MTREX: variants seen among roughly 807,000 people sequenced by gnomAD.
MTREX encodes the protein exosome RNA helicase MTR4.
A neutral mutation model predicts 135.4 loss-of-function variants in MTREX; 76 were observed. The observed-to-expected ratio is 0.56, with a 90% CI of 0.47 to 0.68. The LOEUF (loss-of-function observed/expected upper bound fraction) is 0.68. Ranked by LOEUF, MTREX falls within the 30% of genes least tolerant of loss-of-function variation. The pLI is 0.00. For synonymous variants in MTREX, 404 were observed against 401.6 expected (o/e 1.01, Z -0.07); for missense variants, 920 against 1,262.1 (o/e 0.73, Z 4.11).
At chr5:55,370,541 T>C (rs1356859438) in intron 16 of MTREX, among the ~76,000 whole-genome samples, 1 of 152,240 alleles carries the variant, frequency 6.6e-6, no homozygotes, top group African/African-American at 2.4e-5. Context: ...TGCATTTCTC[T>C]ACCTCTGGTT....
chr5:55,340,932 T>C (rs182571637), intron 6 of MTREX, among the ~76,000 whole-genome samples: 38 of 152,324 alleles, frequency 2.5e-4, no homozygotes, highest in Admixed American at 2.0e-3. Flanking sequence ...CTTCCCATAA[T>C]TGCAGTTAAG....
intron 16 of MTREX, among the ~76,000 whole-genome samples, chr5:55,372,752 A>G (rs1750223860): frequency 6.6e-6 from 1 of 152,198 alleles, no homozygotes; most frequent in Non-Finnish European, 1.5e-5. Flanking sequence ...ATAAAGAGCT[A>G]AAAATTTAAA....
At chr5:55,385,159 G>A (rs796099077) in intron 18 of MTREX, among the ~76,000 whole-genome samples, 6 of 152,268 alleles carry the variant, frequency 3.9e-5, no homozygotes, top group African/African-American at 1.4e-4. Flanking sequence ...TGGGGGTGGG[G>A]AGAATGCACA....
rs773440677 is a variant in MTREX, at chr5:55,361,901, G to GTTGTTTGTTTGT, written c.1659+3210_1659+3221dup. 3.9e-3 allele frequency among the ~76,000 whole-genome samples: 589 copies of GTTGTTTGTTTGT among 150,786 alleles called. 5 individuals are homozygous for GTTGTTTGTTTGT. Among genetic ancestry groups the GTTGTTTGTTTGT allele is most frequent in the African/African-American group, 0.014 (561 of 40,810 alleles). ...AGCCACCATACCCAGCCTTGTTGTT[G>GTTGTTTGTTTGT]TTGTTTGTTTGTTTGTTTTTGTTTT... On this transcript the variant is annotated intron_variant, in intron 15 of 26. Coordinates refer to ENST00000230640, the MANE Select transcript of MTREX (RefSeq NM_015360.5).
At chr5:55,405,093 G>C (rs370526757) in intron 21 of MTREX, among the ~76,000 whole-genome samples, 2 of 151,976 alleles carry the variant, frequency 1.3e-5, no homozygotes, top group Non-Finnish European at 2.9e-5. Context: ...CATTGCGCCC[G>C]GCCTCTGTTC....
intron 11 of MTREX, among the ~76,000 whole-genome samples, chr5:55,348,304 C>T (rs1310077135): frequency 6.6e-6 from 1 of 152,056 alleles, no homozygotes; most frequent in Non-Finnish European, 1.5e-5. Context: ...CTAACCCACT[C>T]CTCTGATAAA....
chr5:55,369,968 G>A (rs1339031496), intron 16 of MTREX, among the ~76,000 whole-genome samples: 1 of 149,670 alleles, frequency 6.7e-6, no homozygotes, highest in Admixed American at 6.7e-5. Context: ...TATTGCCCAG[G>A]CAATGGCAAC....
chr5:55,320,760 G>A (rs766902103), intron 1 of MTREX, among the ~76,000 whole-genome samples: 4 of 152,132 alleles, frequency 2.6e-5, no homozygotes, highest in South Asian at 2.1e-4. Flanking sequence ...GCTCAACATC[G>A]TTTGCACAAT....
At chr5:55,331,869 A>T (rs896771106) in intron 5 of MTREX, among the ~76,000 whole-genome samples, 5 of 152,154 alleles carry the variant, frequency 3.3e-5, no homozygotes, top group Non-Finnish European at 7.4e-5. Flanking sequence ...TATCCAGTGT[A>T]TGAAACCACT....
rs1750957565 is a variant in MTREX, at chr5:55,415,799, T to TGGC, written c.2809-171_2809-170insGGC. ...ATAATGGGAAAGATTGGCCGTTTAA[T>TGGC]CACTTAGCAATGGAACAGGCACTGT... On this transcript the variant is annotated intron_variant, in intron 24 of 26. Transcript: ENST00000230640. Among the ~76,000 whole-genome samples the TGGC allele has an allele frequency of 2.6e-5, 4 of 152,268 alleles. No homozygotes were observed. The South Asian group carries it at 6.2e-4, about 24-fold the overall frequency.
At chr5:55,404,781 A>G (rs1195093600) in intron 21 of MTREX, among the ~76,000 whole-genome samples, 1 of 149,004 alleles carries the variant, frequency 6.7e-6, no homozygotes, top group East Asian at 2.0e-4. Context: ...TTTAAGCAAG[A>G]GCTGTGCTCT....
At chr5:55,329,379 A>G (rs1749433585) in intron 5 of MTREX, 1 of 151,536 alleles carries the variant, frequency 6.6e-6, no homozygotes. Context: ...TCTCAAACTT[A>G]AATAGGCTGG....
chr5:55,405,432 T>A lies in MTREX; in HGVS notation c.2489T>A (p.Ile830Lys), dbSNP rs778530917. The change falls in exon 22 of 27, where the codon ATA becomes AAA. Residue 830 changes from isoleucine to lysine, a missense_variant. By Grantham distance (102) the Ile-to-Lys change is moderately radical. Around this residue, in one of 6 missense-constraint regions of MTREX, gnomAD observed 467 missense variants for 589.7 expected, o/e 0.79. Coordinates refer to ENST00000230640, the MANE Select transcript of MTREX (RefSeq NM_015360.5). ...TLCEKKAQIA[I>K]DIKSAKRELK... Reference sequence around the variant, plus strand: ...TACTTTCATGTGCTTTAGATTGCAATAGATATTAAATCTGCAAAGCGAGAA... The same window carrying A: ...TACTTTCATGTGCTTTAGATTGCAAAAGATATTAAATCTGCAAAGCGAGAA... 6.2e-7 allele frequency: 1 copy of A among 1,612,422 alleles called. No individual in the cohort carries two copies. The highest frequency in any genetic ancestry group is 8.5e-7 in the Non-Finnish European group (1 of 1,178,686).
In MTREX at chr5:55,422,864, C is replaced by G. The variant is rs1214124423; in HGVS notation, c.2972-14C>G. The stretch of plus-strand genomic sequence containing the variant: ...ATTTCCATTTTACCAGTGTTTTGTT[C>G]CTTTTCTATCCAGGCAGCATAATTC... On this transcript the variant is annotated splice_polypyrimidine_tract_variant and intron_variant, in intron 25 of 26. Coordinates refer to ENST00000230640, the MANE Select transcript of MTREX (RefSeq NM_015360.5). 3 of 1,601,976 alleles carry G rather than the reference C, an allele frequency of 1.9e-6. No individual in the cohort carries two copies. Among genetic ancestry groups the G allele is most frequent in the Non-Finnish European group, 2.6e-6 (3 of 1,173,970 alleles).
intron 12 of MTREX, among the ~76,000 whole-genome samples, 176 bp from the exon 13 acceptor site, chr5:55,350,743 T>A (rs927298405): frequency 2.0e-5 from 3 of 152,232 alleles, no homozygotes. Context: ...GCCAGAATTA[T>A]ATTGAATTTA....
chr5:55,318,768 A>T (rs1466146639), intron 1 of MTREX, among the ~76,000 whole-genome samples: 1 of 151,862 alleles, frequency 6.6e-6, no homozygotes, highest in Non-Finnish European at 1.5e-5. Flanking sequence ...CTAAAATAAA[A>T]GTTTAAAAAG....
At chr5:55,308,745 C>A (rs1356391641) in intron 1 of MTREX, among the ~76,000 whole-genome samples, 1 of 152,116 alleles carries the variant, frequency 6.6e-6, no homozygotes, top group Non-Finnish European at 1.5e-5. Context: ...AATTACTGGA[C>A]CCTACCCATA....
chr5:55,401,587 C>T (rs1384006221), intron 21 of MTREX, among the ~76,000 whole-genome samples: 2 of 152,210 alleles, frequency 1.3e-5, no homozygotes, highest in African/African-American at 2.4e-5. Context: ...AAAATGGCTA[C>T]ACCACTTTAT....
chr5:55,418,532 A>G (rs187944576), intron 25 of MTREX, among the ~76,000 whole-genome samples: 8 of 150,870 alleles, frequency 5.3e-5, no homozygotes, highest in African/African-American at 2.0e-4. Context: ...GGCTATTTCT[A>G]CATCACAGTT....
Sources: allele counts gnomAD v4.1 joint callset (sites outside exome capture counted in the v4.1 genomes callset), GRCh38; gene constraint gnomAD v4.1.1; regional missense constraint gnomAD v4.1.1; transcripts MANE v1.5; gene names NCBI Gene and HGNC (gene_info 2026-07-23, HGNC 2026-07-21).